The following NPAS3 variants were observed in gnomAD, a reference collection of about 807,000 sequenced individuals.
NPAS3 encodes neuronal PAS domain protein 3, also known as neuronal PAS domain-containing protein 3.
Under a neutral mutation model 73.1 loss-of-function variants are expected in NPAS3, and 14 were observed. The ratio of observed to expected loss-of-function variants is 0.19; its 90% CI spans 0.13 to 0.30. The LOEUF is 0.30. Ranked by LOEUF, NPAS3 falls within the 10% of genes least tolerant of loss-of-function variation. The probability of loss-of-function intolerance (pLI) is 1.00; values close to 1 mark genes in which losing one functional copy is unlikely to be tolerated. For synonymous variants in NPAS3, 620 were observed against 541.5 expected (o/e 1.14, Z -2.01); for missense variants, 1,096 against 1,250.0 (o/e 0.88, Z 1.86).
intron 5 of NPAS3, among the ~76,000 whole-genome samples, chr14:33,605,393 T>TAAAAA (rs57109563): frequency 5.8e-5 from 8 of 137,378 alleles, no homozygotes; most frequent in African/African-American, 1.6e-4. Context: ...GCATTCAAAT[T>TAAAAA]AAAAAAAAAA....
At chr14:33,565,264 C>T (rs2055870172) in intron 5 of NPAS3, among the ~76,000 whole-genome samples, 1 of 152,152 alleles carries the variant, frequency 6.6e-6, no homozygotes, top group Non-Finnish European at 1.5e-5. Flanking sequence ...GATTTCTCTG[C>T]ATTTGTTATA....
chr14:33,264,393 C>A (rs1028422258), intron 3 of NPAS3, among the ~76,000 whole-genome samples: 1 of 151,892 alleles, frequency 6.6e-6, no homozygotes, highest in Non-Finnish European at 1.5e-5. Flanking sequence ...GCATGCTGTG[C>A]ACCTATGCCC....
At chr14:32,975,574 T>C (rs2037630924) in intron 1 of NPAS3, among the ~76,000 whole-genome samples, 1 of 152,164 alleles carries the variant, frequency 6.6e-6, no homozygotes, top group Non-Finnish European at 1.5e-5. Context: ...ACAAAGGAGA[T>C]TTATAAGGAA....
At chr14:33,354,701 A>G (rs910831013) in intron 3 of NPAS3, among the ~76,000 whole-genome samples, 3 of 152,162 alleles carry the variant, frequency 2.0e-5, no homozygotes, top group Admixed American at 1.3e-4. Flanking sequence ...TCAATGTCCT[A>G]TCACAGGAAA....
In NPAS3 at chr14:33,627,293, C is replaced by T. The variant is rs564981901; in HGVS notation, c.559-48918C>T. Among the ~76,000 whole-genome samples, 95 of 152,210 alleles carry T rather than the reference C, an allele frequency of 6.2e-4. 1 individual carries two copies. The South Asian group carries it at 0.017, about 28-fold the overall frequency. ...TGTTTTTCTTTCTTAGTCTATGGTA[C>T]TGAATAAAGATACATTCTGATACCC... is the stretch of plus-strand genomic sequence containing the variant. On this transcript the variant is annotated intron_variant, in intron 5 of 11. Coordinates refer to ENST00000356141, the Ensembl canonical transcript of NPAS3.
chr14:33,800,486 C>T lies in NPAS3; in HGVS notation c.2179C>T (p.Arg727Cys). 1 of 1,478,262 alleles carries T rather than the reference C, an allele frequency of 6.8e-7. No homozygotes were observed. Among genetic ancestry groups the T allele is most frequent in the Non-Finnish European group, 8.9e-7 (1 of 1,120,958 alleles). 91.6% of individuals were successfully genotyped at this position (1,478,262 alleles called of 1,614,324 possible). A position where few individuals can be genotyped will look rare whatever the true frequency, so the allele number is the denominator to read the frequency against. Residue 727 changes from arginine to cysteine, a missense_variant, in exon 12 of 12, where the codon CGC (arginine) becomes TGC (cysteine). Around this residue, in one of 5 missense-constraint regions of NPAS3, gnomAD observed 698 missense variants for 676.7 expected, o/e 1.03. Coordinates refer to ENST00000356141, the Ensembl canonical transcript of NPAS3. This position sits in a 1 kb window ranked among gnomAD's most constrained non-coding sequence, Gnocchi z 6.5. ...GCCCGGCGCCGACGGCGCGGCCGCC[C>T]GCAAGACTCAGTTCGGCGCCTCGGC... is the stretch of plus-strand genomic sequence containing the variant.
chr14:33,561,870 C>G (rs2055665901), intron 5 of NPAS3, among the ~76,000 whole-genome samples: 3 of 152,308 alleles, frequency 2.0e-5, no homozygotes, highest in African/African-American at 7.2e-5. Context: ...TTTTACAGCC[C>G]TGCTTAGTGG....
intron 3 of NPAS3, among the ~76,000 whole-genome samples, chr14:33,246,245 G>A (rs570807803): frequency 6.6e-6 from 1 of 152,214 alleles, no homozygotes; most frequent in African/African-American, 2.4e-5. Flanking sequence ...GTCCTGTTAA[G>A]AACTAAGTGC....
At position 33,640,604 on chromosome 14, in the gene NPAS3, A is replaced by G. The variant is rs75517648; in HGVS notation, c.559-35607A>G. On this transcript the variant is annotated intron_variant, in intron 5 of 11. Coordinates refer to ENST00000356141, the Ensembl canonical transcript of NPAS3. ...ATATATAAATTGATCATGAAAATTT[A>G]AACTTCTAATCAAGGGCAGACTAAC... Among the ~76,000 whole-genome samples, 1,412 of 152,340 alleles carry G rather than the reference A, an allele frequency of 9.3e-3. 43 individuals are homozygous for G. The East Asian group carries it at 0.12, about 13-fold the overall frequency.
At chr14:33,539,025 G>C (rs1331901430) in intron 4 of NPAS3, among the ~76,000 whole-genome samples, 2 of 152,076 alleles carry the variant, frequency 1.3e-5, no homozygotes, top group Admixed American at 6.5e-5. Context: ...GCATCATCTA[G>C]CTGACTCTTA....
At chr14:33,793,828 T>TTA in intron 9 of NPAS3, 69 bp from the exon 10 acceptor site, 4 of 1,320,288 alleles carry the variant, frequency 3.0e-6, no homozygotes, top group South Asian at 1.5e-5. Flanking sequence ...TTTGCAGAGA[T>TTA]AAAAAAAAAA....
intron 4 of NPAS3, among the ~76,000 whole-genome samples, chr14:33,406,404 G>T (rs2047668599): frequency 6.6e-6 from 1 of 152,082 alleles, no homozygotes; most frequent in Admixed American, 6.6e-5. Flanking sequence ...CGCCTGCTTT[G>T]CTGGCAACCC....
intron 2 of NPAS3, among the ~76,000 whole-genome samples, chr14:33,197,948 C>T (rs754205443): frequency 1.7e-4 from 26 of 152,294 alleles, no homozygotes; most frequent in Non-Finnish European, 2.5e-4. Flanking sequence ...GATGTTCGGA[C>T]GTGTTCGGAG....
intron 4 of NPAS3, among the ~76,000 whole-genome samples, chr14:33,395,747 G>A (rs147893340): frequency 1.0e-3 from 159 of 152,076 alleles, no homozygotes; most frequent in Middle Eastern, 6.8e-3. Flanking sequence ...AGACATTTTG[G>A]CATTTATTAT....
chr14:32,994,612 T>G (rs1260179891), intron 1 of NPAS3, among the ~76,000 whole-genome samples: 1 of 119,258 alleles, frequency 8.4e-6, no homozygotes, highest in Non-Finnish European at 1.7e-5. Flanking sequence ...GCCATTCTAG[T>G]TTTTTGTTTG....
At chr14:33,622,746 C>T (rs1468810885) in intron 5 of NPAS3, among the ~76,000 whole-genome samples, 1 of 152,108 alleles carries the variant, frequency 6.6e-6, no homozygotes, top group African/African-American at 2.4e-5. Context: ...TTGTAAAAAG[C>T]TTTGATGTCT....
chr14:33,077,057 G>T (rs2041683072), intron 2 of NPAS3, among the ~76,000 whole-genome samples: 1 of 152,164 alleles, frequency 6.6e-6, no homozygotes, highest in South Asian at 2.1e-4. Context: ...TACAACAGTG[G>T]GTGAAACGGG....
In NPAS3 at chr14:33,326,142, T is replaced by C. The variant is rs77405497; in HGVS notation, c.386-41044T>C. 7.8e-3 allele frequency among the ~76,000 whole-genome samples: 1,183 copies of C among 152,098 alleles called. 9 individuals carry two copies. The highest frequency in any genetic ancestry group is 0.019 in the African/African-American group (784 of 41,494). On this transcript the variant is annotated intron_variant, in intron 3 of 11. Transcript: ENST00000356141. ...TGATGGTGTGTACACCATCATACAG[T>C]GTATGAATGGGAAGAGAGAGTGAGA...
chr14:33,421,191 GT>G (rs1005217800), intron 4 of NPAS3, among the ~76,000 whole-genome samples: 7 of 151,522 alleles, frequency 4.6e-5, no homozygotes, highest in Middle Eastern at 3.2e-3. Flanking sequence ...CAGAACCCTT[GT>G]TTTTTGAAGT....
Sources: gnomAD v4.1 joint callset for allele counts (sites outside exome capture counted in the v4.1 genomes callset) on GRCh38, gnomAD v4.1.1 for gene constraint, gnomAD v4.1.1 regional missense constraint, Gnocchi (gnomAD v3.1) non-coding constraint, MANE v1.5 for transcripts, NCBI Gene and HGNC (gene_info 2026-07-23, HGNC 2026-07-21) for gene names.